The following MYO15B variants were observed in gnomAD, a reference collection of about 807,000 sequenced individuals.
MYO15B encodes the protein myosin XVB, also known as myosin XVB pseudogene.
MYO15B carries 207 observed loss-of-function variants against 119.3 expected under a neutral mutation model. That is an observed-to-expected ratio of 1.73 (90% CI 1.55 to 1.95). MYO15B has a LOEUF of 1.95. Ranked by LOEUF, MYO15B falls within the 30% of genes most tolerant of loss-of-function variation. MYO15B has a pLI of 0.00. For synonymous variants in MYO15B, 966 were observed against 498.9 expected (o/e 1.94, Z -12.48); for missense variants, 2,264 against 1,203.1 (o/e 1.88, Z -13.04).
At position 75,622,078 on chromosome 17, in the gene MYO15B, A is replaced by T; in HGVS notation, c.8080A>T (p.Lys2694Ter). ...GATGGATCTGCTCTATGAACTGCTGAAGGTAAGCCTGGGCTGTGCGACCCC... is the reference window on the plus strand; with the variant it reads ...GATGGATCTGCTCTATGAACTGCTGTAGGTAAGCCTGGGCTGTGCGACCCC... Residue 2694 changes from lysine (K) to a stop codon, truncating the protein, a stop_gained and splice_region_variant, in exon 53 of 64, where the codon AAG becomes TAG. Transcript: ENST00000645453. LOFTEE classifies it high-confidence loss of function. 1 of 702,970 alleles carries T rather than the reference A, an allele frequency of 1.4e-6. No homozygotes were observed. Among genetic ancestry groups the T allele is most frequent in the Non-Finnish European group, 2.6e-6 (1 of 384,980 alleles). 43.5% of individuals were successfully genotyped at this position (702,970 alleles called of 1,614,324 possible). A position where few individuals can be genotyped will look rare whatever the true frequency, so the allele number is the denominator to read the frequency against.
chr17:75,593,615 GA>G (rs1161115437), intron 9 of MYO15B, among the ~76,000 whole-genome samples: 42 of 113,052 alleles, frequency 3.7e-4, no homozygotes, highest in South Asian at 1.2e-3. Flanking sequence ...CTCCGTCTCA[GA>G]AAAAAAAAAA....
exon 47 of MYO15B, chr17:75,620,018 A>G (rs1234289819): frequency 7.1e-6 from 5 of 700,478 alleles, no homozygotes; most frequent in Non-Finnish European, 1.0e-5. Flanking sequence ...TGAGCTTAAG[A>G]AGGTAAGTGT....
intron 4 of MYO15B, 62 bp downstream of exon 4, chr17:75,591,308 G>A (rs2056432309): frequency 4.3e-6 from 3 of 691,564 alleles, no homozygotes; most frequent in Admixed American, 4.1e-5. Context: ...GATGGGGCGG[G>A]GCCTGAGGTC....
intron 15 of MYO15B, 168 bp from the exon 16 acceptor site, chr17:75,602,349 G>A: frequency 2.9e-6 from 2 of 699,538 alleles, no homozygotes; most frequent in South Asian, 1.5e-5. Flanking sequence ...GGAATGGAAA[G>A]TCCAGTGGCA....
At chr17:75,600,904 ATTT>A (rs540929270) in intron 14 of MYO15B, among the ~76,000 whole-genome samples, 9 of 113,566 alleles carry the variant, frequency 7.9e-5, no homozygotes, top group African/African-American at 1.0e-4. Flanking sequence ...CTAATTTTTA[ATTT>A]TTTTTTTTTT....
intron 53 of MYO15B, among the ~76,000 whole-genome samples, chr17:75,623,449 G>C (rs906870229): frequency 3.3e-5 from 5 of 152,214 alleles, no homozygotes; most frequent in African/African-American, 4.8e-5. Context: ...GGCCAACGTA[G>C]TGAAACCCCA....
chr17:75,592,076 C>A (rs1362809003), exon 6 of MYO15B: 2 of 702,742 alleles, frequency 2.8e-6, no homozygotes, highest in Non-Finnish European at 5.2e-6. Context: ...CCTCTACCTA[C>A]AGCAGTGAGT....
rs1394256652 is a variant in MYO15B, at chr17:75,615,684, CT to C, written c.5839-8del. ...TGAGGGTCTGAACTGGCTGCTCCTCCTGCTTCAGGCCCAGCAGATGACAGCC... is the reference window on the plus strand; with the variant it reads ...TGAGGGTCTGAACTGGCTGCTCCTCCGCTTCAGGCCCAGCAGATGACAGCC... On this transcript the variant is annotated splice_region_variant and splice_polypyrimidine_tract_variant and intron_variant, in intron 35 of 63. Coordinates refer to ENST00000645453, the Ensembl canonical transcript of MYO15B. The C allele has an allele frequency of 7.4e-6, 5 of 672,386 alleles. 1 individual carries two copies. In the Admixed American group the frequency reaches 8.4e-5, roughly 11 times the overall value. 41.7% of individuals were successfully genotyped at this position (672,386 alleles called of 1,614,324 possible).
exon 9 of MYO15B, chr17:75,592,698 A>G: frequency 1.4e-6 from 1 of 701,354 alleles, no homozygotes; most frequent in Non-Finnish European, 2.6e-6. Context: ...TGCAGGCTGC[A>G]AGGCAAGGAG....
chr17:75,603,352 C>T, intron 19 of MYO15B, 40 bp downstream of exon 19: 1 of 699,302 alleles, frequency 1.4e-6, no homozygotes, highest in South Asian at 1.5e-5. Context: ...ACAAGGAGGC[C>T]ACCGGGAGTG....
At chr17:75,619,000 G>C in intron 43 of MYO15B, 143 bp from the exon 44 acceptor site, 1 of 628,808 alleles carries the variant, frequency 1.6e-6, no homozygotes, top group Non-Finnish European at 2.9e-6. Context: ...GCCCCACCTA[G>C]GCCCTCTGCT....
At position 75,612,698 on chromosome 17, in the gene MYO15B, T is replaced by A. The variant is rs1598851672; in HGVS notation, c.4636-100T>A. 1.4e-5 allele frequency: 9 copies of A among 659,240 alleles called. No individual in the cohort carries two copies. The Middle Eastern group carries it at 1.5e-3, about 109-fold the overall frequency. 40.8% of individuals were successfully genotyped at this position (659,240 alleles called of 1,614,324 possible). Reference sequence around the variant, plus strand: ...AAAAAGGCATTAAGATGCATTTCTGTCCAGCCCCTCTGCCTCTCCCGAGGT... The same window carrying A: ...AAAAAGGCATTAAGATGCATTTCTGACCAGCCCCTCTGCCTCTCCCGAGGT... On this transcript the variant is annotated intron_variant, in intron 25 of 63. Coordinates refer to ENST00000645453, the Ensembl canonical transcript of MYO15B.
intron 19 of MYO15B, among the ~76,000 whole-genome samples, chr17:75,604,838 G>A (rs1670995): frequency 6.6e-6 from 1 of 152,054 alleles, no homozygotes; most frequent in Non-Finnish European, 1.5e-5. Flanking sequence ...TCAGGGTGTC[G>A]TACAGCAAGT....
Position 75,589,573 on chromosome 17 carries a change from G to T in MYO15B, c.1516G>T (p.Gly506Trp), listed in dbSNP as rs918346735. The change falls in exon 1 of 64, where the codon GGG becomes TGG. Residue 506 changes from glycine (G) to tryptophan (W), a missense_variant. Gly to Trp is a radical substitution (Grantham distance 184, BLOSUM62 -2). Transcript: ENST00000645453. This position sits in a 1 kb window ranked among gnomAD's most constrained non-coding sequence, Gnocchi z 4.2. ...AGCGTTGCGCCTGGCTGGCTTAGCA[G>T]GGCTGGGGGGTATGCCGAGGGCTTC... is the stretch of plus-strand genomic sequence containing the variant. 46 of 398,920 alleles carry T rather than the reference G, an allele frequency of 1.2e-4. 1 individual carries two copies. The highest frequency in any genetic ancestry group is 7.6e-4 in the African/African-American group (37 of 48,730). 24.7% of individuals were successfully genotyped at this position (398,920 alleles called of 1,614,324 possible).
rs1598670518 is a variant in MYO15B at position 75,588,679 on chromosome 17, G to GCCAA, written c.622_623insCCAA (p.Gly208AlafsTer225). ...GTCAGCGCTGGAGCCAAGCAGCGAC[G>GCCAA]GCCTGGACAGCGACTGGCCCCACGC... On this transcript the variant is annotated frameshift_variant, in exon 1 of 64. Coordinates refer to ENST00000645453, the Ensembl canonical transcript of MYO15B. LOFTEE classifies it high-confidence loss of function. The GCCAA allele has an allele frequency of 1.5e-4, 61 of 399,804 alleles. 1 individual carries two copies. In the East Asian group the frequency reaches 2.2e-3, roughly 14 times the overall value. 24.8% of individuals were successfully genotyped at this position (399,804 alleles called of 1,614,324 possible).
intron 21 of MYO15B, among the ~76,000 whole-genome samples, chr17:75,608,549 G>C (rs1044010129): frequency 6.6e-6 from 1 of 151,694 alleles, no homozygotes; most frequent in African/African-American, 2.4e-5. Flanking sequence ...GCTGAGGCAC[G>C]AGAATCACTT....
At chr17:75,596,510 G>A (rs758915347) in exon 13 of MYO15B, 1 of 703,056 alleles carries the variant, frequency 1.4e-6, no homozygotes, top group Non-Finnish European at 2.6e-6. Flanking sequence ...TCGCCAGCGA[G>A]CGCCTACAGC....
chr17:75,616,478 C>T (rs953516613), intron 38 of MYO15B, 32 bp downstream of exon 38: 13 of 672,690 alleles, frequency 1.9e-5, no homozygotes, highest in African/African-American at 1.4e-4. Flanking sequence ...CCTGGGGCTC[C>T]GGTGGCTCTG....
At chr17:75,619,655 G>T in intron 45 of MYO15B, 26 bp from the exon 46 acceptor site, 1 of 702,448 alleles carries the variant, frequency 1.4e-6, no homozygotes, top group South Asian at 1.5e-5. Flanking sequence ...CCAGGAGACT[G>T]CCCGAGACCC....
Sources: gnomAD v4.1 joint callset for allele counts (sites outside exome capture counted in the v4.1 genomes callset) on GRCh38, gnomAD v4.1.1 for gene constraint, Gnocchi (gnomAD v3.1) non-coding constraint, MANE v1.5 for transcripts, NCBI Gene and HGNC (gene_info 2026-07-23, HGNC 2026-07-21) for gene names.